B3GALT1: variants seen among roughly 807,000 people sequenced by gnomAD.
The protein encoded by B3GALT1 is UDP-Gal:betaGlcNAc beta 1,3-galactosyltransferase, polypeptide 1.
B3GALT1 carries 10 observed loss-of-function variants against 23.2 expected under a neutral mutation model. The observed-to-expected ratio is 0.43, with a 90% CI of 0.27 to 0.73. The LOEUF is 0.73. Ranked by LOEUF, B3GALT1 falls within the 30% of genes least tolerant of loss-of-function variation. The probability of loss-of-function intolerance (pLI) is 0.21; values close to 1 mark genes in which losing one functional copy is unlikely to be tolerated. For missense variants in B3GALT1, 299 were observed against 405.4 expected (o/e 0.74, Z 2.25); for synonymous variants, 156 against 141.5 (o/e 1.10, Z -0.73).
rs544696420 is a variant in B3GALT1 at position 167,753,995 on chromosome 2, ATGCCAG to A, written c.-351-64675_-351-64670del. Among the ~76,000 whole-genome samples the A allele has an allele frequency of 3.1e-4, 47 of 152,366 alleles. No individual in the cohort carries two copies. The South Asian group carries it at 7.9e-3, about 26-fold the overall frequency. On this transcript the variant is annotated intron_variant, in intron 3 of 4. Coordinates refer to ENST00000392690, the MANE Select transcript of B3GALT1 (RefSeq NM_020981.4). ...CTGATGAAGGTCTGATTTGTTTCAA[ATGCCAG>A]TTGCTTAGAGGCAAGGATTTTGTAA...
chr2:167,563,947 C>CGG (rs563667264), intron 2 of B3GALT1, among the ~76,000 whole-genome samples: 119,076 of 121,664 alleles, frequency 0.98, 58,287 homozygotes, highest in South Asian at 0.99. Flanking sequence ...GCTGGCCAGG[C>CGG]GGGGCCGACC....
chr2:167,601,054 C>T (rs949227367), intron 2 of B3GALT1, among the ~76,000 whole-genome samples: 1 of 151,810 alleles, frequency 6.6e-6, no homozygotes, highest in Admixed American at 6.6e-5. Context: ...CTAGATCCTC[C>T]GTTTGTTTGT....
chr2:167,546,582 C>G (rs898514779), intron 2 of B3GALT1, among the ~76,000 whole-genome samples: 1 of 152,082 alleles, frequency 6.6e-6, no homozygotes, highest in African/African-American at 2.4e-5. Context: ...AGGACAGAGA[C>G]CAGAACTTCC....
chr2:167,583,745 T>C (rs1684531478), intron 2 of B3GALT1, among the ~76,000 whole-genome samples: 1 of 152,158 alleles, frequency 6.6e-6, no homozygotes, highest in African/African-American at 2.4e-5. Context: ...TCTTAAATTT[T>C]TTAATTTTAC....
At chr2:167,615,074 T>A (rs1288221938) in intron 2 of B3GALT1, among the ~76,000 whole-genome samples, 1 of 152,080 alleles carries the variant, frequency 6.6e-6, no homozygotes, top group Non-Finnish European at 1.5e-5. Context: ...ATGAAAATAA[T>A]CTTGGATTAA....
At chr2:167,515,963 G>A (rs923336934) in intron 2 of B3GALT1, among the ~76,000 whole-genome samples, 1 of 152,026 alleles carries the variant, frequency 6.6e-6, no homozygotes, top group Non-Finnish European at 1.5e-5. Flanking sequence ...TGTATTCAGC[G>A]TATTCTAGCA....
At chr2:167,401,034 G>C (rs1016275405) in intron 1 of B3GALT1, among the ~76,000 whole-genome samples, 3 of 152,046 alleles carry the variant, frequency 2.0e-5, no homozygotes, top group Non-Finnish European at 4.4e-5. Context: ...TCTTAATTGA[G>C]TAGGCAGATG....
intron 1 of B3GALT1, among the ~76,000 whole-genome samples, chr2:167,412,674 GAATT>G (rs749123873): frequency 1.3e-5 from 2 of 152,032 alleles, no homozygotes; most frequent in Non-Finnish European, 2.9e-5. Context: ...AAACTGCTTA[GAATT>G]ATTTACTAAA....
intron 4 of B3GALT1, among the ~76,000 whole-genome samples, chr2:167,827,753 T>C (rs540119869): frequency 6.6e-6 from 1 of 152,320 alleles, no homozygotes; most frequent in South Asian, 2.1e-4. Flanking sequence ...CATTACACAA[T>C]TCCTGGGTTT....
At chr2:167,642,194 G>A (rs934579055) in intron 2 of B3GALT1, among the ~76,000 whole-genome samples, 8 of 152,092 alleles carry the variant, frequency 5.3e-5, no homozygotes, top group Non-Finnish European at 7.4e-5. Flanking sequence ...TACTCCCTGG[G>A]TTTATCACTT....
At chr2:167,364,247 A>G (rs1697549206) in intron 1 of B3GALT1, among the ~76,000 whole-genome samples, 1 of 151,080 alleles carries the variant, frequency 6.6e-6, no homozygotes, top group Non-Finnish European at 1.5e-5. Context: ...TATCAAGGTT[A>G]ATGGGAGTGA....
chr2:167,774,234 T>G (rs1688119827), intron 3 of B3GALT1, among the ~76,000 whole-genome samples: 1 of 152,186 alleles, frequency 6.6e-6, no homozygotes, highest in South Asian at 2.1e-4. Context: ...GCTCATTCTT[T>G]GAATATTTAC....
At chr2:167,393,195 C>T (rs1037728235) in intron 1 of B3GALT1, among the ~76,000 whole-genome samples, 22 of 150,250 alleles carry the variant, frequency 1.5e-4, no homozygotes, top group South Asian at 4.2e-4. Flanking sequence ...GATTGCGCCA[C>T]TGCACTCCAG....
At chr2:167,549,298 C>G (rs537031234) in intron 2 of B3GALT1, among the ~76,000 whole-genome samples, 1 of 152,276 alleles carries the variant, frequency 6.6e-6, no homozygotes, top group South Asian at 2.1e-4. Flanking sequence ...GGCTCATAAC[C>G]TGCATACTAA....
At chr2:167,498,328 A>T (rs1028807737) in intron 2 of B3GALT1, among the ~76,000 whole-genome samples, 3 of 152,188 alleles carry the variant, frequency 2.0e-5, no homozygotes, top group Non-Finnish European at 4.4e-5. Flanking sequence ...GGAGCCTGTC[A>T]ATTGAGAGTC....
rs573315709 is a variant in B3GALT1, at chr2:167,574,470, C to T, written c.-409-72439C>T. ...CTGATTATTTGGGAAACATGAGGAT[C>T]GCCCAGTTGATTCAATTGATGATGT... On this transcript the variant is annotated intron_variant, in intron 2 of 4. Coordinates refer to ENST00000392690, the MANE Select transcript of B3GALT1 (RefSeq NM_020981.4). Among the ~76,000 whole-genome samples the T allele has an allele frequency of 4.0e-5, 6 of 151,710 alleles. 1 individual carries two copies. The highest frequency in any genetic ancestry group is 7.2e-5 in the African/African-American group (3 of 41,496).
chr2:167,746,404 T>A (rs1470674827), intron 3 of B3GALT1, among the ~76,000 whole-genome samples: 1 of 152,254 alleles, frequency 6.6e-6, no homozygotes, highest in Non-Finnish European at 1.5e-5. Context: ...AGAATCATCT[T>A]CCAAGCCCTC....
chr2:167,530,156 G>A (rs2105367251), intron 2 of B3GALT1, among the ~76,000 whole-genome samples: 1 of 133,376 alleles, frequency 7.5e-6, no homozygotes. Flanking sequence ...GATATTAGCA[G>A]AGCTTGCTCC....
At chr2:167,643,411 G>A (rs991919280) in intron 2 of B3GALT1, among the ~76,000 whole-genome samples, 2 of 152,042 alleles carry the variant, frequency 1.3e-5, no homozygotes, top group East Asian at 3.9e-4. Flanking sequence ...GGCCAGAGAG[G>A]TGCACTGGCA....
Sources: allele counts gnomAD v4.1 joint callset (sites outside exome capture counted in the v4.1 genomes callset), GRCh38; gene constraint gnomAD v4.1.1; transcripts MANE v1.5; gene names NCBI Gene and HGNC (gene_info 2026-07-23, HGNC 2026-07-21).